Variants in CEACAM20 observed in about 807,000 individuals in gnomAD.
CEACAM20 encodes CEA cell adhesion molecule 20.
Under a neutral mutation model 61.2 loss-of-function variants are expected in CEACAM20, and 50 were observed. The observed-to-expected ratio is 0.82, with a 90% CI of 0.65 to 1.03. CEACAM20 has a LOEUF of 1.03. Ranked by LOEUF, CEACAM20 falls within the 50% of genes least tolerant of loss-of-function variation. CEACAM20 has a pLI of 0.00. For synonymous variants in CEACAM20, 282 were observed against 287.7 expected (o/e 0.98, Z 0.20); for missense variants, 683 against 736.4 (o/e 0.93, Z 0.84).
intron 11 of CEACAM20, among the ~76,000 whole-genome samples, chr19:44,509,907 G>A (rs17800760): frequency 0.15 from 22,446 of 152,126 alleles, 1,738 homozygotes; most frequent in East Asian, 0.21. Context: ...CATTGCCTAG[G>A]AAGGAATGGA....
In CEACAM20 at chr19:44,506,171, G is replaced by C; in HGVS notation, c.1781C>G (p.Pro594Arg). ...AGATCTCTGCTTCCATTAGACGGAG[G>C]GGTTGATTTGGATGTAAGTGTTGGG... Reference protein sequence around the residue: ...PEPNTYIQINPSV With the variant: ...PEPNTYIQINRSV The change falls in exon 12 of 12, where the codon CCC becomes CGC. Residue 594 changes from proline (P) to arginine (R), a missense_variant. Physicochemically the swap from Pro to Arg is moderately radical, Grantham distance 103. Transcript: ENST00000614924. The C allele has an allele frequency of 6.2e-7, 1 of 1,613,534 alleles. No homozygotes were observed. Among genetic ancestry groups the C allele is most frequent in the Non-Finnish European group, 8.5e-7 (1 of 1,179,572 alleles).
chr19:44,525,124 G>C lies in CEACAM20; in HGVS notation c.173C>G (p.Pro58Arg). ...ACCTCTGGATCTGCCATGAATCTGG[G>C]GTGTCCTGGGGGTCCCAAACACAGG... is the stretch of plus-strand genomic sequence containing the variant. ...VLPVFGTPRT[P>R]QIHGRSRELA... The change falls in exon 2 of 12, where the codon CCC (proline) becomes CGC (arginine). Residue 58 changes from proline (P) to arginine (R), a missense_variant. Transcript: ENST00000614924. 1 of 1,610,706 alleles carries C rather than the reference G, an allele frequency of 6.2e-7. No homozygotes were observed. The highest frequency in any genetic ancestry group is 1.1e-5 in the South Asian group (1 of 90,416).
intron 5 of CEACAM20, among the ~76,000 whole-genome samples, chr19:44,519,179 C>T (rs775618784): frequency 3.3e-5 from 5 of 152,096 alleles, no homozygotes; most frequent in African/African-American, 7.2e-5. Context: ...TTGCAACATC[C>T]CCCAGATGGA....
intron 1 of CEACAM20, 80 bp downstream of exon 1, chr19:44,529,378 A>ACG: frequency 7.9e-7 from 1 of 1,263,946 alleles, no homozygotes; most frequent in Non-Finnish European, 1.2e-6. Flanking sequence ...ACACACACAC[A>ACG]CACACACACA....
In CEACAM20 at chr19:44,511,683, A is replaced by C. The variant is rs1971004338; in HGVS notation, c.1576-11T>G. 2 of 1,612,038 alleles carry C rather than the reference A, an allele frequency of 1.2e-6. No individual in the cohort carries two copies. Among genetic ancestry groups the C allele is most frequent in the South Asian group, 2.2e-5 (2 of 90,284 alleles). On this transcript the variant is annotated splice_polypyrimidine_tract_variant and intron_variant, in intron 9 of 11. Coordinates refer to ENST00000614924, the MANE Select transcript of CEACAM20 (RefSeq NM_001102597.3). ...GTCTGGTGGTTGCATCTGGGGAAAA[A>C]CAAAGTTGCAGAGAGGTCATAGGGC...
intron 3 of CEACAM20, 81 bp downstream of exon 3, chr19:44,523,905 G>A (rs1288094505): frequency 1.4e-6 from 2 of 1,401,352 alleles, no homozygotes; most frequent in African/African-American, 2.9e-5. Flanking sequence ...CATCTGGATG[G>A]TATTTCAAGC....
At chr19:44,506,666 C>T (rs1970828519) in intron 11 of CEACAM20, among the ~76,000 whole-genome samples, 1 of 152,184 alleles carries the variant, frequency 6.6e-6, no homozygotes, top group Non-Finnish European at 1.5e-5. Context: ...CTGAGGATGA[C>T]CTCCAGCTGA....
chr19:44,523,043 G>C (rs777758011), intron 3 of CEACAM20, 131 bp from the exon 4 acceptor site: 14 of 764,366 alleles, frequency 1.8e-5, no homozygotes, highest in Non-Finnish European at 2.9e-5. Flanking sequence ...TTGCAAACGA[G>C]GTACAGCAGT....
At chr19:44,514,687 G>A (rs1405365390) in intron 6 of CEACAM20, among the ~76,000 whole-genome samples, 1 of 151,950 alleles carries the variant, frequency 6.6e-6, no homozygotes, top group East Asian at 1.9e-4. Flanking sequence ...TCAAACTCCT[G>A]ACCTCAGGTG....
chr19:44,522,704 C>G lies in CEACAM20; in HGVS notation c.681G>C (p.Leu227=). The change falls in exon 4 of 12, where the codon CTG becomes CTC. Residue 227 remains leucine, a synonymous_variant. Coordinates refer to ENST00000614924, the MANE Select transcript of CEACAM20 (RefSeq NM_001102597.3). ...CACTGTTGGACACCAAGCACCTGTACAGGCCCTCATGTTCTCTGGACACAG... is the reference window on the plus strand; with the variant it reads ...CACTGTTGGACACCAAGCACCTGTAGAGGCCCTCATGTTCTCTGGACACAG... ...IHAVSREHEG[L]YRCLVSNSAT... 1 of 1,613,854 alleles carries G rather than the reference C, an allele frequency of 6.2e-7. No homozygotes were observed. Among genetic ancestry groups the G allele is most frequent in the Non-Finnish European group, 8.5e-7 (1 of 1,179,832 alleles).
At chr19:44,528,687 CA>C (rs1253784558) in intron 1 of CEACAM20, among the ~76,000 whole-genome samples, 1 of 151,932 alleles carries the variant, frequency 6.6e-6, no homozygotes, top group African/African-American at 2.4e-5. Context: ...CACAGACACA[CA>C]AACACACATC....
At position 44,515,604 on chromosome 19, in the gene CEACAM20, C is replaced by T. The variant is rs907327135; in HGVS notation, c.1309+1342G>A. ...TCAAAACTGGCTGACAGAGAGTACC[C>T]AAGAAGTGTTTGCTGATATTATATA... On this transcript the variant is annotated intron_variant, in intron 6 of 11. Coordinates refer to ENST00000614924, the MANE Select transcript of CEACAM20 (RefSeq NM_001102597.3). Among the ~76,000 whole-genome samples the T allele has an allele frequency of 2.6e-5, 4 of 152,158 alleles. No homozygotes were observed. In the East Asian group the frequency reaches 7.7e-4, roughly 29 times the overall value.
Position 44,518,148 on chromosome 19 carries a change from AAGGAAGGAAGGAAGGAAGG to A in CEACAM20, c.1031-943_1031-925del, listed in dbSNP as rs1555743480. 9.1e-3 allele frequency among the ~76,000 whole-genome samples: 856 copies of A among 93,732 alleles called. 47 individuals carry two copies. Among genetic ancestry groups the A allele is most frequent in the African/African-American group, 0.018 (441 of 24,456 alleles). The allele number at this position is 93,732 out of a possible 152,430, so 61.5% of individuals were successfully genotyped here. On this transcript the variant is annotated intron_variant, in intron 5 of 11. Transcript: ENST00000614924. ...GAAGGAAGGAAGGAAGGAAGGAAGG[AAGGAAGGAAGGAAGGAAGG>A]AAGAAAGCAGGCAGGCAGGCAGGCA... is the stretch of plus-strand genomic sequence containing the variant.
chr19:44,522,072 A>G (rs1422000318), intron 4 of CEACAM20, among the ~76,000 whole-genome samples: 1 of 151,672 alleles, frequency 6.6e-6, no homozygotes, highest in Non-Finnish European at 1.5e-5. Flanking sequence ...GTCCTCCTCA[A>G]ACTCTGGGGT....
chr19:44,528,157 C>T lies in CEACAM20; in HGVS notation c.52+1301G>A, dbSNP rs933304013. 8.0e-3 allele frequency among the ~76,000 whole-genome samples: 825 copies of T among 102,620 alleles called. 10 individuals are homozygous for T. The highest frequency in any genetic ancestry group is 0.041 in the African/African-American group (746 of 18,202). The allele number at this position is 102,620 out of a possible 152,430, so 67.3% of individuals were successfully genotyped here. Reference sequence around the variant, plus strand: ...ATCTCTTTCTTTCTTTTCTTTCTTTCTTTTCTTTCTTTCCTTTCTTTCTTT... The same window carrying T: ...ATCTCTTTCTTTCTTTTCTTTCTTTTTTTTCTTTCTTTCCTTTCTTTCTTT... On this transcript the variant is annotated intron_variant, in intron 1 of 11. Coordinates refer to ENST00000614924, the MANE Select transcript of CEACAM20 (RefSeq NM_001102597.3).
intron 4 of CEACAM20, 96 bp from the exon 5 acceptor site, chr19:44,520,848 GT>G (rs1971342582): frequency 3.7e-6 from 1 of 272,232 alleles, no homozygotes; most frequent in African/African-American, 6.3e-4. Flanking sequence ...GTGCGTGCGT[GT>G]GTGTGTGTGT....
At position 44,517,191 on chromosome 19, in the gene CEACAM20, G is replaced by A. The variant is rs16959164; in HGVS notation, c.1064C>T (p.Ser355Leu). Reference protein sequence around the residue: ...GPDQVHITRESASEMISTIEA... With the variant: ...GPDQVHITRELASEMISTIEA... ...TATGGTGCTGATCATCTCAGATGCC[G>A]ACTCCCTGGTGATGTGCACTTGGTC... is the stretch of plus-strand genomic sequence containing the variant. The change falls in exon 6 of 12, where the codon TCG becomes TTG. Residue 355 changes from serine (S) to leucine (L), a missense_variant. Ser to Leu is a moderately radical substitution (Grantham distance 145). Coordinates refer to ENST00000614924, the MANE Select transcript of CEACAM20 (RefSeq NM_001102597.3). 0.025 allele frequency: 40,472 copies of A among 1,609,870 alleles called. 845 individuals are homozygous for A. The highest frequency in any genetic ancestry group is 0.091 in the East Asian group (4,097 of 44,882).
intron 5 of CEACAM20, 149 bp from the exon 6 acceptor site, chr19:44,517,373 C>G: frequency 9.9e-7 from 1 of 1,006,928 alleles, no homozygotes; most frequent in Non-Finnish European, 1.4e-6. Context: ...GAGTGTGGTC[C>G]ACAACACTGG....
intron 3 of CEACAM20, 127 bp from the exon 4 acceptor site, chr19:44,523,039 A>G (rs1164575657): frequency 2.5e-6 from 2 of 796,870 alleles, no homozygotes; most frequent in African/African-American, 3.5e-5. Context: ...TCAATTGCAA[A>G]CGAGGTACAG....
Sources: gnomAD v4.1 joint callset for allele counts (sites outside exome capture counted in the v4.1 genomes callset) on GRCh38, gnomAD v4.1.1 for gene constraint, MANE v1.5 for transcripts, NCBI Gene and HGNC (gene_info 2026-07-23, HGNC 2026-07-21) for gene names.